Variants in CUX2 observed in about 807,000 individuals in gnomAD.
CUX2 encodes the protein homeobox protein cut-like 2.
In CUX2, 40 loss-of-function variants were observed where a neutral mutation model predicts 144.8. The ratio of observed to expected loss-of-function variants is 0.28; its 90% CI spans 0.21 to 0.36. The LOEUF is 0.36. CUX2 is among the 10% of genes least tolerant of loss of function. The probability of loss-of-function intolerance (pLI) is 1.00; values close to 1 mark genes in which losing one functional copy is unlikely to be tolerated. For missense variants in CUX2, 1,615 were observed against 1,994.0 expected (o/e 0.81, Z 3.62); for synonymous variants, 827 against 875.6 (o/e 0.94, Z 0.98).
chr12:111,233,057 G>T (rs1297809117), intron 3 of CUX2, among the ~76,000 whole-genome samples: 1 of 152,198 alleles, frequency 6.6e-6, no homozygotes, highest in East Asian at 1.9e-4. Context: ...CAAGAGTAGG[G>T]ACATTCTAGT....
intron 4 of CUX2, among the ~76,000 whole-genome samples, chr12:111,276,115 G>T (rs1355601686): frequency 1.3e-5 from 2 of 152,174 alleles, no homozygotes; most frequent in African/African-American, 4.8e-5. Context: ...CACTTTGGAA[G>T]GCTGAGGCGG....
intron 1 of CUX2, among the ~76,000 whole-genome samples, chr12:111,092,491 C>G (rs1471128000): frequency 6.6e-6 from 1 of 152,148 alleles, no homozygotes; most frequent in Non-Finnish European, 1.5e-5. Flanking sequence ...GAAGACATCA[C>G]TGTGGGTTTT....
intron 1 of CUX2, among the ~76,000 whole-genome samples, chr12:111,040,191 G>T (rs1441150751): frequency 6.6e-6 from 1 of 151,992 alleles, no homozygotes; most frequent in Non-Finnish European, 1.5e-5. Flanking sequence ...GGAGGCTGAG[G>T]TGGGAGGATT....
intron 21 of CUX2, among the ~76,000 whole-genome samples, chr12:111,342,333 T>A (rs2136449476): frequency 6.6e-6 from 1 of 151,984 alleles, no homozygotes; most frequent in Non-Finnish European, 1.5e-5. Context: ...CTACAAAAAT[T>A]AGTTGTGTGC....
chr12:111,320,555 C>G lies in CUX2; in HGVS notation c.2546C>G (p.Thr849Arg). Reference sequence around the variant, plus strand: ...GGGGCGGAGGACGAACCCCCCAGGACGGGCGAGCTCAAGGCTGAGGGCGCG... The same window carrying G: ...GGGGCGGAGGACGAACCCCCCAGGAGGGGCGAGCTCAAGGCTGAGGGCGCG... ...AAGAEDEPPR[T>R]GELKAEGATA... Residue 849 changes from threonine to arginine, a missense_variant, in exon 17 of 22, where the codon ACG becomes AGG. Thr to Arg is a moderately conservative substitution (Grantham distance 71, BLOSUM62 -1). This residue lies in a region of CUX2 where 390 missense variants were observed against 387.1 expected (regional missense o/e 1.01). Coordinates refer to ENST00000261726, the MANE Select transcript of CUX2 (RefSeq NM_015267.4). The surrounding 1 kb of genome is among the most constrained non-coding windows in gnomAD (Gnocchi z 8.1). The G allele has an allele frequency of 6.5e-7, 1 of 1,535,918 alleles. No homozygotes were observed.
chr12:111,281,136 C>A (rs1198183894), intron 4 of CUX2, among the ~76,000 whole-genome samples: 1 of 152,222 alleles, frequency 6.6e-6, no homozygotes, highest in Admixed American at 6.5e-5. Flanking sequence ...TGTCCTCCCA[C>A]TGCCCTTAGG....
At chr12:111,096,426 G>A (rs1265527566) in intron 1 of CUX2, among the ~76,000 whole-genome samples, 4 of 152,150 alleles carry the variant, frequency 2.6e-5, no homozygotes, top group African/African-American at 4.8e-5. Flanking sequence ...AGTGGGAGGC[G>A]GGGCCCTTTG....
chr12:111,164,727 C>T (rs1056098638), intron 1 of CUX2, among the ~76,000 whole-genome samples: 2 of 152,026 alleles, frequency 1.3e-5, no homozygotes, highest in African/African-American at 2.4e-5. Context: ...AACCTTGAGG[C>T]ACAGAGGAAT....
chr12:111,257,213 T>TCTCCTTCCTCCCC (rs1883860025), intron 3 of CUX2, among the ~76,000 whole-genome samples: 1 of 135,974 alleles, frequency 7.4e-6, no homozygotes, highest in Non-Finnish European at 1.6e-5. Context: ...TCCTCCTCCC[T>TCTCCTTCCTCCCC]CTCCTTCCTC....
At chr12:111,214,154 T>G in intron 1 of CUX2, 46 bp from the exon 2 acceptor site, 2 of 1,223,896 alleles carry the variant, frequency 1.6e-6, no homozygotes, top group Non-Finnish European at 2.3e-6. Flanking sequence ...AGAAAAATCT[T>G]TTTCTTTTCT....
At chr12:111,214,932 G>A (rs1881448499) in intron 2 of CUX2, among the ~76,000 whole-genome samples, 1 of 152,154 alleles carries the variant, frequency 6.6e-6, no homozygotes, top group African/African-American at 2.4e-5. Context: ...GCCCGGATGT[G>A]TGAATTCTTT....
At chr12:111,122,645 G>A (rs191139306) in intron 1 of CUX2, among the ~76,000 whole-genome samples, 8 of 152,302 alleles carry the variant, frequency 5.3e-5, no homozygotes, top group Admixed American at 2.6e-4. Flanking sequence ...TGCAAGGCTG[G>A]CCCCCTAGTC....
chr12:111,115,659 G>T (rs1874252374), intron 1 of CUX2, among the ~76,000 whole-genome samples: 1 of 152,058 alleles, frequency 6.6e-6, no homozygotes, highest in Admixed American at 6.5e-5. Context: ...TCTATCAGGT[G>T]CCAGTTTAAG....
intron 1 of CUX2, among the ~76,000 whole-genome samples, chr12:111,112,671 G>T: frequency 6.6e-6 from 1 of 152,140 alleles, no homozygotes; most frequent in East Asian, 1.9e-4. Flanking sequence ...TTAGGTAGCC[G>T]TACTCTGTCC....
At chr12:111,225,519 G>C (rs1000079938) in intron 3 of CUX2, among the ~76,000 whole-genome samples, 1 of 152,176 alleles carries the variant, frequency 6.6e-6, no homozygotes, top group Admixed American at 6.5e-5. Context: ...GTAAAACTGG[G>C]GCTCAGAGAG....
intron 1 of CUX2, among the ~76,000 whole-genome samples, chr12:111,115,652 A>C (rs1442164429): frequency 6.6e-6 from 1 of 151,954 alleles, no homozygotes; most frequent in Non-Finnish European, 1.5e-5. Context: ...TTACTCCTCT[A>C]TCAGGTGCCA....
chr12:111,239,188 A>G (rs953322026), intron 3 of CUX2, among the ~76,000 whole-genome samples: 17 of 152,170 alleles, frequency 1.1e-4, no homozygotes, highest in African/African-American at 3.9e-4. Flanking sequence ...CTCCTACTAT[A>G]CCATGTGTCC....
chr12:111,321,800 T>C (rs75281429), intron 17 of CUX2, among the ~76,000 whole-genome samples: 1 of 152,326 alleles, frequency 6.6e-6, no homozygotes, highest in East Asian at 1.9e-4. Context: ...GTGTCACCTC[T>C]ACCTTTAGCA....
intron 4 of CUX2, among the ~76,000 whole-genome samples, chr12:111,281,458 A>G (rs961001529): frequency 6.6e-6 from 1 of 152,156 alleles, no homozygotes; most frequent in Non-Finnish European, 1.5e-5. Context: ...TGATGGAAAC[A>G]TTCTCTATGG....
Sources: allele counts gnomAD v4.1 joint callset (sites outside exome capture counted in the v4.1 genomes callset), GRCh38; gene constraint gnomAD v4.1.1; regional missense constraint gnomAD v4.1.1; non-coding constraint Gnocchi (gnomAD v3.1); transcripts MANE v1.5; gene names NCBI Gene and HGNC (gene_info 2026-07-23, HGNC 2026-07-21).